The following CNTN4 variants were observed in gnomAD, a reference collection of about 807,000 sequenced individuals.
CNTN4 encodes contactin-4.
A neutral mutation model predicts 122.5 loss-of-function variants in CNTN4; 77 were observed. The observed-to-expected ratio is 0.63, with a 90% CI of 0.52 to 0.76. CNTN4 has a LOEUF of 0.76. CNTN4 is among the 30% of genes least tolerant of loss of function. The pLI, the probability that CNTN4 is intolerant of heterozygous loss-of-function variation, is 0.00. For missense variants in CNTN4, 1,256 were observed against 1,259.1 expected (o/e 1.00, Z 0.04); for synonymous variants, 512 against 447.0 (o/e 1.15, Z -1.83).
intron 6 of CNTN4, among the ~76,000 whole-genome samples, chr3:2,795,625 A>T (rs2092149938): frequency 1.3e-5 from 2 of 148,972 alleles, no homozygotes; most frequent in South Asian, 4.2e-4. Context: ...GGTTCACGCC[A>T]TTCTCCTGCC....
intron 2 of CNTN4, among the ~76,000 whole-genome samples, chr3:2,139,754 C>T: frequency 6.6e-6 from 1 of 152,238 alleles, no homozygotes. Flanking sequence ...AAAACTATGC[C>T]AGTGTGCACA....
intron 3 of CNTN4, among the ~76,000 whole-genome samples, chr3:2,415,610 G>A (rs1013636542): frequency 1.3e-5 from 2 of 152,082 alleles, no homozygotes; most frequent in Non-Finnish European, 2.9e-5. Context: ...CGTTTGCTTG[G>A]TATACATTTC....
intron 3 of CNTN4, among the ~76,000 whole-genome samples, chr3:2,384,947 C>G (rs540720794): frequency 6.6e-6 from 1 of 152,126 alleles, no homozygotes; most frequent in Admixed American, 6.5e-5. Context: ...GCCCCTTCTA[C>G]AGTGGTTGAC....
intron 23 of CNTN4, among the ~76,000 whole-genome samples, chr3:3,048,238 A>C: frequency 6.6e-6 from 1 of 152,052 alleles, no homozygotes; most frequent in East Asian, 1.9e-4. Flanking sequence ...CAGGAAAAAA[A>C]ACACACAAAA....
intron 3 of CNTN4, among the ~76,000 whole-genome samples, chr3:2,432,367 A>G (rs1453414483): frequency 6.6e-6 from 1 of 152,228 alleles, no homozygotes; most frequent in Non-Finnish European, 1.5e-5. Context: ...GTTGGAAGAA[A>G]CAGACAAAAA....
chr3:3,043,149 C>A lies in CNTN4; in HGVS notation c.2684C>A (p.Thr895Lys), dbSNP rs1335737797. The change falls in exon 22 of 25, where the codon ACA becomes AAA. Residue 895 changes from threonine (T) to lysine (K), a missense_variant. Transcript: ENST00000418658. ...CCCTCTAGTGCAACAGTCAATGTGA[C>A]AACCCGAAAGCCACGTAAGAACAGA... ...TGPSSATVNVTTRKPPPSQPP... is the reference protein window; with the variant it reads ...TGPSSATVNVKTRKPPPSQPP... 1 of 1,613,968 alleles carries A rather than the reference C, an allele frequency of 6.2e-7. No homozygotes were observed. Among genetic ancestry groups the A allele is most frequent in the Non-Finnish European group, 8.5e-7 (1 of 1,180,036 alleles).
intron 2 of CNTN4, among the ~76,000 whole-genome samples, chr3:2,230,474 A>C (rs548505953): frequency 6.6e-6 from 1 of 152,306 alleles, no homozygotes; most frequent in Non-Finnish European, 1.5e-5. Context: ...CATTGCCTCA[A>C]TTTGAGAGGG....
At chr3:2,607,979 C>T (rs1464168124) in intron 4 of CNTN4, among the ~76,000 whole-genome samples, 1 of 152,154 alleles carries the variant, frequency 6.6e-6, no homozygotes, top group Non-Finnish European at 1.5e-5. Flanking sequence ...CATCTAGTCA[C>T]ATCATAAAAT....
At chr3:2,688,243 A>AT (rs1426962136) in intron 4 of CNTN4, among the ~76,000 whole-genome samples, 3 of 152,122 alleles carry the variant, frequency 2.0e-5, no homozygotes, top group African/African-American at 7.2e-5. Flanking sequence ...AGAAATAGCT[A>AT]TTTTTTCAGT....
At chr3:2,628,869 G>A (rs1387522487) in intron 4 of CNTN4, among the ~76,000 whole-genome samples, 2 of 152,046 alleles carry the variant, frequency 1.3e-5, no homozygotes, top group African/African-American at 4.8e-5. Flanking sequence ...ACCCAAAAGG[G>A]TTTTTTTGTT....
Position 2,389,011 on chromosome 3 carries a change from A to T in CNTN4, c.-89+49778A>T, listed in dbSNP as rs999744987. ...TGTCTCTGCTAAAAATACAAAAAAAATTAGCCAGGCGTGGTGGTGTGTGCC... is the reference window on the plus strand; with the variant it reads ...TGTCTCTGCTAAAAATACAAAAAAATTTAGCCAGGCGTGGTGGTGTGTGCC... On this transcript the variant is annotated intron_variant, in intron 3 of 24. Coordinates refer to ENST00000418658, the MANE Select transcript of CNTN4 (RefSeq NM_175607.3). Among the ~76,000 whole-genome samples the T allele has an allele frequency of 2.0e-5, 3 of 151,562 alleles. No homozygotes were observed. In the East Asian group the frequency reaches 5.9e-4, roughly 30 times the overall value.
intron 4 of CNTN4, among the ~76,000 whole-genome samples, chr3:2,635,479 A>G (rs1386256393): frequency 1.3e-5 from 2 of 152,164 alleles, no homozygotes; most frequent in Admixed American, 6.5e-5. Context: ...ACATTCATGC[A>G]TCTCTATCCC....
chr3:2,731,430 G>C (rs1326116696), intron 4 of CNTN4, among the ~76,000 whole-genome samples: 1 of 152,092 alleles, frequency 6.6e-6, no homozygotes, highest in Non-Finnish European at 1.5e-5. Flanking sequence ...AGTTACCAAG[G>C]AGAAACAAAC....
At chr3:2,130,855 A>G (rs1398228088) in intron 2 of CNTN4, among the ~76,000 whole-genome samples, 2 of 152,190 alleles carry the variant, frequency 1.3e-5, no homozygotes, top group African/African-American at 2.4e-5. Context: ...GCTGTGTGCT[A>G]TGTGACATTC....
chr3:2,984,277 C>T (rs142820398), intron 13 of CNTN4, among the ~76,000 whole-genome samples: 50 of 152,154 alleles, frequency 3.3e-4, no homozygotes, highest in African/African-American at 9.9e-4. Context: ...TTTAAGTTAA[C>T]GAAATTTTCA....
At chr3:2,943,313 C>T (rs1247698646) in intron 13 of CNTN4, among the ~76,000 whole-genome samples, 2 of 152,032 alleles carry the variant, frequency 1.3e-5, no homozygotes, top group African/African-American at 4.8e-5. Flanking sequence ...ATAGCTAAAT[C>T]GAAAGCAAAC....
chr3:2,443,255 C>T (rs1197566060), intron 3 of CNTN4, among the ~76,000 whole-genome samples: 1 of 152,098 alleles, frequency 6.6e-6, no homozygotes, highest in Non-Finnish European at 1.5e-5. Context: ...CAAACCTGTC[C>T]TTTCAACATA....
At chr3:2,878,846 A>G (rs1478232398) in intron 8 of CNTN4, among the ~76,000 whole-genome samples, 1 of 152,208 alleles carries the variant, frequency 6.6e-6, no homozygotes, top group African/African-American at 2.4e-5. Flanking sequence ...AGAATTATAA[A>G]TTGTGATAAG....
rs181108764 is a variant in CNTN4, at chr3:2,180,365, G to A, written c.-145+79726G>A. The stretch of plus-strand genomic sequence containing the variant: ...GTTACTTTACAGGTTAGAAAAGTGA[G>A]ATGTAAAGTTTAACCTTATCAATAG... On this transcript the variant is annotated intron_variant, in intron 2 of 24. Coordinates refer to ENST00000418658, the MANE Select transcript of CNTN4 (RefSeq NM_175607.3). Among the ~76,000 whole-genome samples, 156 of 152,106 alleles carry A rather than the reference G, an allele frequency of 1.0e-3. 1 individual carries two copies. The highest frequency in any genetic ancestry group is 3.7e-3 in the African/African-American group (153 of 41,544).
Sources: allele counts gnomAD v4.1 joint callset (sites outside exome capture counted in the v4.1 genomes callset), GRCh38; gene constraint gnomAD v4.1.1; transcripts MANE v1.5; gene names NCBI Gene and HGNC (gene_info 2026-07-23, HGNC 2026-07-21).